LARGE1: variants seen among roughly 807,000 people sequenced by gnomAD.
The protein encoded by LARGE1 is xylosyl- and glucuronyltransferase LARGE1.
LARGE1 carries 43 observed loss-of-function variants against 87.6 expected under a neutral mutation model. The observed-to-expected ratio is 0.49, with a 90% CI of 0.38 to 0.63. The LOEUF (loss-of-function observed/expected upper bound fraction) is 0.63. Among genes scored for constraint, LARGE1 ranks in the 30% least tolerant of loss-of-function variants. The probability of loss-of-function intolerance (pLI) is 0.00; values close to 1 mark genes in which losing one functional copy is unlikely to be tolerated. For missense variants in LARGE1, 802 were observed against 1,000.2 expected, an observed-to-expected ratio of 0.80 and a Z score of 2.67; for synonymous variants, 434 against 394.6, an observed-to-expected ratio of 1.10 and a Z score of -1.18.
intron 3 of LARGE1, among the ~76,000 whole-genome samples, chr22:33,631,645 C>T (rs1238613893): frequency 3.3e-5 from 5 of 151,948 alleles, no homozygotes; most frequent in Non-Finnish European, 7.4e-5. Context: ...TGAAATACCT[C>T]CTGAAGGACC....
intron 6 of LARGE1, among the ~76,000 whole-genome samples, chr22:33,515,205 A>C (rs2071246796): frequency 6.6e-6 from 1 of 152,082 alleles, no homozygotes. Context: ...CTTGACCCCA[A>C]AGCCACACTT....
intron 2 of LARGE1, among the ~76,000 whole-genome samples, chr22:33,726,474 T>G (rs540189965): frequency 2.0e-5 from 3 of 152,300 alleles, no homozygotes; most frequent in African/African-American, 7.2e-5. Flanking sequence ...TAGCATTATA[T>G]AAATACTCGT....
At position 33,604,429 on chromosome 22, in the gene LARGE1, C is replaced by T; in HGVS notation, c.615+6G>A. On this transcript the variant is annotated splice_donor_region_variant and intron_variant, in intron 5 of 14. Coordinates refer to ENST00000397394, the MANE Select transcript of LARGE1 (RefSeq NM_133642.5). ...ATCACGGAAGTGCCTCCCCTCCTGC[C>T]CATACCTTGAGCTCGTCTGCATTGT... 1 of 1,614,034 alleles carries T rather than the reference C, an allele frequency of 6.2e-7. No homozygotes were observed. Among genetic ancestry groups the T allele is most frequent in the Non-Finnish European group, 8.5e-7 (1 of 1,179,962 alleles).
rs75505351 is a variant in LARGE1, at chr22:33,287,521, T to G, written c.1731-4173A>C. ...CTGAAAGGGTCTCATTATGAAGTTG[T>G]TTCAGCAATAAACAAGGCTTCATGG... is the stretch of plus-strand genomic sequence containing the variant. On this transcript the variant is annotated intron_variant, in intron 12 of 14. Coordinates refer to ENST00000397394, the MANE Select transcript of LARGE1 (RefSeq NM_133642.5). 7.9e-3 allele frequency among the ~76,000 whole-genome samples: 1,197 copies of G among 152,322 alleles called. 16 individuals are homozygous for G. Among genetic ancestry groups the G allele is most frequent in the African/African-American group, 0.027 (1,140 of 41,564 alleles).
intron 6 of LARGE1, among the ~76,000 whole-genome samples, chr22:33,495,327 C>A (rs2070056639): frequency 6.6e-6 from 1 of 152,208 alleles, no homozygotes. Flanking sequence ...TATTTACGCT[C>A]TCCCAAGCCC....
At chr22:33,167,359 G>A (rs1049463474) in intron 11 of LARGE1, among the ~76,000 whole-genome samples, 6 of 152,178 alleles carry the variant, frequency 3.9e-5, no homozygotes, top group African/African-American at 1.4e-4. Context: ...AAGAAAATTT[G>A]TTCAAAGTCA....
At chr22:33,271,522 T>C (rs956220834), downstream of LARGE1, among the ~76,000 whole-genome samples, 1 of 152,212 alleles carries the variant, frequency 6.6e-6, no homozygotes, top group African/African-American at 2.4e-5. Context: ...GGGGACCAAA[T>C]GAGGGAACCT....
At chr22:33,493,200 G>A (rs962554119) in intron 6 of LARGE1, among the ~76,000 whole-genome samples, 8 of 131,340 alleles carry the variant, frequency 6.1e-5, no homozygotes, top group Middle Eastern at 4.3e-3. Flanking sequence ...TTGCTCTGTC[G>A]CCCAGGCTGG....
At position 33,797,265 on chromosome 22, in the gene LARGE1, TCCCTTCTCAGCTC is replaced by T. The variant is rs1486561533; in HGVS notation, c.-82-35720_-82-35708del. Among the ~76,000 whole-genome samples the T allele has an allele frequency of 2.6e-5, 4 of 152,108 alleles. No homozygotes were observed. The East Asian group carries it at 7.7e-4, about 29-fold the overall frequency. On this transcript the variant is annotated intron_variant, in intron 1 of 14. Coordinates refer to ENST00000397394, the MANE Select transcript of LARGE1 (RefSeq NM_133642.5). The stretch of plus-strand genomic sequence containing the variant: ...TTCGCCTTCCCTAGCCTGCACCTCC[TCCCTTCTCAGCTC>T]CCCTTCACCAAGCCCTTAGCTCCAC...
At chr22:33,755,933 A>T (rs1432053107) in intron 2 of LARGE1, among the ~76,000 whole-genome samples, 1 of 152,238 alleles carries the variant, frequency 6.6e-6, no homozygotes, top group East Asian at 1.9e-4. Flanking sequence ...ATGTTTCCAC[A>T]TGGGATCTGG....
chr22:33,495,550 CT>C (rs2070071129), intron 6 of LARGE1, among the ~76,000 whole-genome samples: 1 of 152,016 alleles, frequency 6.6e-6, no homozygotes, highest in African/African-American at 2.4e-5. Context: ...GAAATCCTGT[CT>C]CTACTAAAAA....
chr22:33,198,455 G>A (rs991840123), intron 11 of LARGE1, among the ~76,000 whole-genome samples: 1 of 151,996 alleles, frequency 6.6e-6, no homozygotes, highest in Non-Finnish European at 1.5e-5. Flanking sequence ...GGGGGCACAA[G>A]TACTGATTTC....
At chr22:33,529,554 G>A (rs1341550187) in intron 6 of LARGE1, among the ~76,000 whole-genome samples, 5 of 152,174 alleles carry the variant, frequency 3.3e-5, no homozygotes, top group Non-Finnish European at 5.9e-5. Context: ...GAAAGATGAC[G>A]AGGCTCACAG....
chr22:33,234,806 G>C (rs1308518134), intron 11 of LARGE1, among the ~76,000 whole-genome samples: 1 of 152,162 alleles, frequency 6.6e-6, no homozygotes, highest in Non-Finnish European at 1.5e-5. Context: ...CTCCCAAAGT[G>C]CTGGGATTAC....
chr22:33,569,556 G>A (rs921114595), intron 5 of LARGE1, among the ~76,000 whole-genome samples: 3 of 152,250 alleles, frequency 2.0e-5, no homozygotes, highest in East Asian at 1.9e-4. Context: ...AAATTTGGTG[G>A]TGGGGAAAGA....
At chr22:33,316,538 C>T (rs1936181050) in intron 10 of LARGE1, among the ~76,000 whole-genome samples, 2 of 152,080 alleles carry the variant, frequency 1.3e-5, no homozygotes, top group Admixed American at 6.5e-5. Context: ...CCTGAGAGTT[C>T]GAGACCAACC....
At chr22:33,881,140 G>A (rs1026599231) in intron 1 of LARGE1, among the ~76,000 whole-genome samples, 10 of 152,068 alleles carry the variant, frequency 6.6e-5, no homozygotes, top group African/African-American at 2.4e-4. Context: ...CTCCCATATG[G>A]AGAGTCTGAC....
chr22:33,619,194 G>C (rs2079667232), intron 4 of LARGE1, among the ~76,000 whole-genome samples: 1 of 152,060 alleles, frequency 6.6e-6, no homozygotes, highest in African/African-American at 2.4e-5. Flanking sequence ...AAAAAATCCT[G>C]CATCAAAATG....
intron 4 of LARGE1, among the ~76,000 whole-genome samples, chr22:33,617,745 A>C (rs548923472): frequency 1.7e-4 from 26 of 152,144 alleles, no homozygotes; most frequent in Non-Finnish European, 3.5e-4. Flanking sequence ...AGACCAGACC[A>C]CAATTCTACA....
Sources: gnomAD v4.1 joint callset for allele counts (sites outside exome capture counted in the v4.1 genomes callset) on GRCh38, gnomAD v4.1.1 for gene constraint, MANE v1.5 for transcripts, NCBI Gene and HGNC (gene_info 2026-07-23, HGNC 2026-07-21) for gene names.